Variants in NFILZ observed in about 807,000 individuals in gnomAD.
NFILZ encodes NFIL3 like protein.
chr19:8,679,419 C>T lies in NFILZ; in HGVS notation c.*1784C>T, dbSNP rs562938867. ...GTACTGACACTGAGAACCAGATGCCCCTGGCCAACTGGATCACTTGGACTC... is the reference window on the plus strand; with the variant it reads ...GTACTGACACTGAGAACCAGATGCCTCTGGCCAACTGGATCACTTGGACTC... On this transcript the variant is annotated 3_prime_UTR_variant, in exon 6 of 6. Coordinates refer to ENST00000691075, the MANE Select transcript of NFILZ (RefSeq NM_001378600.1). Among the ~76,000 whole-genome samples the T allele has an allele frequency of 2.6e-5, 4 of 152,126 alleles. No individual in the cohort carries two copies. Among genetic ancestry groups the T allele is most frequent in the African/African-American group, 7.2e-5 (3 of 41,464 alleles).
intron 3 of NFILZ, among the ~76,000 whole-genome samples, chr19:8,651,243 C>A (rs1555747690): frequency 6.6e-6 from 1 of 151,796 alleles, no homozygotes; most frequent in Non-Finnish European, 1.5e-5. Context: ...CTCACTGCAA[C>A]CTCCGCCTCC....
chr19:8,663,714 GTGTGTGTT>G (rs2043043707), intron 3 of NFILZ, among the ~76,000 whole-genome samples: 3 of 143,594 alleles, frequency 2.1e-5, no homozygotes, highest in Admixed American at 7.2e-5. Flanking sequence ...TGTGGTGTGT[GTGTGTGTT>G]TGTGTGTGTG....
At chr19:8,639,384 C>T (rs1555746426) in intron 3 of NFILZ, among the ~76,000 whole-genome samples, 1 of 152,034 alleles carries the variant, frequency 6.6e-6, no homozygotes, top group African/African-American at 2.4e-5. Flanking sequence ...TGCGACCAGC[C>T]TGGGCAACAT....
chr19:8,653,038 TTCTCTCTCTCTCTCTCTCTCTCTCTCTC>T (rs1163296485), intron 3 of NFILZ, among the ~76,000 whole-genome samples: 3,666 of 90,510 alleles, frequency 0.041, 178 homozygotes, highest in East Asian at 0.19. Context: ...CTTTCTTTCT[TTCTCTCTCTCTCTCTCTCTCTCTCTCTC>T]TCTCTCTCTC....
chr19:8,638,563 C>G (rs1215425101), intron 3 of NFILZ: 3 of 152,234 alleles, frequency 2.0e-5, no homozygotes, highest in Non-Finnish European at 4.4e-5. Flanking sequence ...ATTCCAAGCA[C>G]TGGGGGTTGC....
chr19:8,647,701 T>G (rs1555747227), intron 3 of NFILZ, among the ~76,000 whole-genome samples: 1 of 151,054 alleles, frequency 6.6e-6, no homozygotes, highest in African/African-American at 2.4e-5. Context: ...TTCTCACTTA[T>G]AAGTGGGAAC....
chr19:8,653,287 G>T (rs2042977849), intron 3 of NFILZ, among the ~76,000 whole-genome samples: 2 of 151,804 alleles, frequency 1.3e-5, no homozygotes, highest in Non-Finnish European at 2.9e-5. Flanking sequence ...CGCCATGTTG[G>T]CCAGTCTGGC....
rs1352001990 is a variant in NFILZ, at chr19:8,680,969, C to T, written c.*3334C>T. Among the ~76,000 whole-genome samples the T allele has an allele frequency of 1.1e-4, 16 of 151,788 alleles. 1 individual carries two copies. In the South Asian group the frequency reaches 1.3e-3, roughly 12 times the overall value. On this transcript the variant is annotated 3_prime_UTR_variant, in exon 6 of 6. Transcript: ENST00000691075. Reference sequence around the variant, plus strand: ...GGGGGAGAGAGGGAGGAGGCGAGGGCAGGGAGGTGATGGAAGCAGGTTGTG... The same window carrying T: ...GGGGGAGAGAGGGAGGAGGCGAGGGTAGGGAGGTGATGGAAGCAGGTTGTG...
chr19:8,677,284 G>T lies in NFILZ; in HGVS notation c.519G>T (p.Glu173Asp), dbSNP rs1263257020. The change falls in exon 6 of 6, where the codon GAG (glutamate) becomes GAT (aspartate). Residue 173 changes from glutamate (E) to aspartate (D), a missense_variant. By Grantham distance (45) the Glu-to-Asp change is conservative (BLOSUM62 2). Coordinates refer to ENST00000691075, the MANE Select transcript of NFILZ (RefSeq NM_001378600.1). Reference sequence around the variant, plus strand: ...CCACTTCTCCTAGGTCCCCCCAAGAGTCTGCATCTCCTACCCTCAACAGAA... The same window carrying T: ...CCACTTCTCCTAGGTCCCCCCAAGATTCTGCATCTCCTACCCTCAACAGAA... ...GLATSPRSPQ[E>D]SASPTLNRID... Among the ~76,000 whole-genome samples, 2 of 152,188 alleles carry T rather than the reference G, an allele frequency of 1.3e-5. No homozygotes were observed. The highest frequency in any genetic ancestry group is 4.8e-5 in the African/African-American group (2 of 41,458).
At chr19:8,656,494 T>TTCCTGAAG (rs2043003297) in intron 3 of NFILZ, among the ~76,000 whole-genome samples, 1 of 69,752 alleles carries the variant, frequency 1.4e-5, no homozygotes, top group Non-Finnish European at 2.9e-5. Context: ...GCCCACCTTC[T>TTCCTGAAG]CCCGCAGCCC....
At chr19:8,639,150 G>A (rs552894454) in intron 3 of NFILZ, among the ~76,000 whole-genome samples, 1 of 152,098 alleles carries the variant, frequency 6.6e-6, no homozygotes, top group African/African-American at 2.4e-5. Flanking sequence ...GGCCTACTTG[G>A]CTGTTTAAGG....
chr19:8,653,277 C>T (rs1169126260), intron 3 of NFILZ, among the ~76,000 whole-genome samples: 2 of 151,888 alleles, frequency 1.3e-5, no homozygotes, highest in African/African-American at 2.4e-5. Flanking sequence ...GACAGGGATT[C>T]GCCATGTTGG....
chr19:8,639,351 A>C (rs1224313638), intron 3 of NFILZ, among the ~76,000 whole-genome samples: 1 of 152,024 alleles, frequency 6.6e-6, no homozygotes, highest in African/African-American at 2.4e-5. Context: ...CTGAGGCAGG[A>C]GGATCATTTG....
chr19:8,649,837 G>A (rs1308163462), intron 3 of NFILZ, among the ~76,000 whole-genome samples: 2 of 151,936 alleles, frequency 1.3e-5, no homozygotes, highest in African/African-American at 4.8e-5. Flanking sequence ...TCTTTTGGCC[G>A]GGCGTGGTAG....
At chr19:8,667,634 G>A (rs1248561781) in intron 3 of NFILZ, among the ~76,000 whole-genome samples, 3 of 152,022 alleles carry the variant, frequency 2.0e-5, no homozygotes, top group Non-Finnish European at 2.9e-5. Flanking sequence ...TGCAACCTCC[G>A]CCTCTCGGGT....
At chr19:8,638,967 C>T (rs139487210) in intron 3 of NFILZ, among the ~76,000 whole-genome samples, 1,835 of 151,784 alleles carry the variant, frequency 0.012, 41 homozygotes, top group African/African-American at 0.043. Context: ...CCTCAGCCTC[C>T]GAGTAGCTGG....
intron 3 of NFILZ, among the ~76,000 whole-genome samples, chr19:8,651,415 G>C (rs141822249): frequency 4.6e-5 from 7 of 152,336 alleles, no homozygotes; most frequent in African/African-American, 1.7e-4. Context: ...ACTCGCTTCA[G>C]CCTCCCAAAG....
At chr19:8,659,220 C>G (rs782354713) in intron 3 of NFILZ, among the ~76,000 whole-genome samples, 1 of 151,856 alleles carries the variant, frequency 6.6e-6, no homozygotes, top group African/African-American at 2.4e-5. Flanking sequence ...GGCACTCCAG[C>G]CTGGGTGACA....
intron 3 of NFILZ, among the ~76,000 whole-genome samples, chr19:8,660,457 G>C (rs922340722): frequency 2.0e-5 from 3 of 151,944 alleles, no homozygotes; most frequent in Admixed American, 6.6e-5. Context: ...GTTCATCCAC[G>C]TTGTCTCAAA....
Sources: gnomAD v4.1 joint callset for allele counts (sites outside exome capture counted in the v4.1 genomes callset) on GRCh38, gnomAD v4.1.1 for gene constraint, MANE v1.5 for transcripts, NCBI Gene and HGNC (gene_info 2026-07-23, HGNC 2026-07-21) for gene names.